Variants in QPCT observed in about 807,000 individuals in gnomAD.
QPCT encodes the protein EC.
A neutral mutation model predicts 43.4 loss-of-function variants in QPCT; 44 were observed. The ratio of observed to expected loss-of-function variants is 1.01; its 90% CI spans 0.80 to 1.30. The LOEUF (loss-of-function observed/expected upper bound fraction) is 1.30. Ranked by LOEUF, QPCT falls within the 50% of genes most tolerant of loss-of-function variation. QPCT has a pLI of 0.00. For missense variants in QPCT, 526 were observed against 436.5 expected (o/e 1.21, Z -1.83); for synonymous variants, 168 against 168.4 (o/e 1.00, Z 0.02).
chr2:37,346,671 A>T (rs140484972), intron 1 of QPCT, among the ~76,000 whole-genome samples: 227 of 152,312 alleles, frequency 1.5e-3, no homozygotes, highest in African/African-American at 5.3e-3. Context: ...TTCCATTGAG[A>T]AACTGAATGT....
intron 2 of QPCT, among the ~76,000 whole-genome samples, chr2:37,356,037 G>C (rs1026594595): frequency 6.6e-6 from 1 of 152,188 alleles, no homozygotes; most frequent in Non-Finnish European, 1.5e-5. Context: ...GCATCCTGAC[G>C]ACGATGTGTT....
At chr2:37,361,508 CAG>C (rs1672857373) in intron 3 of QPCT, among the ~76,000 whole-genome samples, 1 of 152,206 alleles carries the variant, frequency 6.6e-6, no homozygotes, top group Admixed American at 6.5e-5. Flanking sequence ...GTGACACAAA[CAG>C]GGGCTGGAAG....
At chr2:37,371,697 C>T (rs1255634792) in intron 5 of QPCT, among the ~76,000 whole-genome samples, 1 of 152,084 alleles carries the variant, frequency 6.6e-6, no homozygotes, top group Non-Finnish European at 1.5e-5. Context: ...TTATGTAGGC[C>T]AGTGGTTCTC....
At chr2:37,363,802 A>G (rs1672903471) in intron 3 of QPCT, among the ~76,000 whole-genome samples, 1 of 152,106 alleles carries the variant, frequency 6.6e-6, no homozygotes, top group African/African-American at 2.4e-5. Context: ...TATCTATGAA[A>G]CAAAACCAGA....
Position 37,369,760 on chromosome 2 carries a change from T to C in QPCT, c.799T>C (p.Trp267Arg). ...FPNFFPNSAR[W>R]FERLQAIEHE... Reference sequence around the variant, plus strand: ...CAATTTTTTTCCAAACTCAGCCAGGTGGTTCGAAAGACTTCAAGCAATTGG... The same window carrying C: ...CAATTTTTTTCCAAACTCAGCCAGGCGGTTCGAAAGACTTCAAGCAATTGG... Residue 267 changes from tryptophan (W) to arginine (R), a missense_variant, in exon 5 of 7, where the codon TGG becomes CGG. Physicochemically the swap from Trp to Arg is moderately radical, Grantham distance 101 (BLOSUM62 -3). Transcript: ENST00000338415. 1 of 1,600,018 alleles carries C rather than the reference T, an allele frequency of 6.2e-7. No individual in the cohort carries two copies. Among genetic ancestry groups the C allele is most frequent in the Non-Finnish European group, 8.6e-7 (1 of 1,167,174 alleles).
chr2:37,347,144 T>TA (rs1553384185), intron 1 of QPCT, among the ~76,000 whole-genome samples: 1 of 55,344 alleles, frequency 1.8e-5, no homozygotes, highest in East Asian at 1.7e-3. Context: ...ATGGGGTGTT[T>TA]TATATATATA....
At chr2:37,357,143 G>A (rs1227251596) in intron 2 of QPCT, among the ~76,000 whole-genome samples, 1 of 152,196 alleles carries the variant, frequency 6.6e-6, no homozygotes, top group Non-Finnish European at 1.5e-5. Flanking sequence ...AAGTTTGTGT[G>A]TGACTTCTGA....
chr2:37,345,159 G>T (rs998200704), intron 1 of QPCT, among the ~76,000 whole-genome samples: 1 of 152,190 alleles, frequency 6.6e-6, no homozygotes, highest in Non-Finnish European at 1.5e-5. Flanking sequence ...CGGCTGCTGA[G>T]CCGGGAGGCG....
At chr2:37,364,974 G>A (rs1672933032) in intron 3 of QPCT, among the ~76,000 whole-genome samples, 1 of 147,884 alleles carries the variant, frequency 6.8e-6, no homozygotes, top group African/African-American at 2.5e-5. Context: ...ACCAGCCTGG[G>A]CAACATACTA....
In QPCT at chr2:37,359,561, GTTT is replaced by G; in HGVS notation, c.268-14_268-12del. The G allele has an allele frequency of 6.3e-7, 1 of 1,577,684 alleles. No homozygotes were observed. The highest frequency in any genetic ancestry group is 8.6e-7 in the Non-Finnish European group (1 of 1,161,934). ...CCATTTCTTTAGATCTAAATTTTTT[GTTT>G]TTTTGTTTTGATCAGCACATCATGC... On this transcript the variant is annotated splice_polypyrimidine_tract_variant and intron_variant, in intron 2 of 6. Transcript: ENST00000338415.
chr2:37,367,221 G>T lies in QPCT; in HGVS notation c.547-11G>T. On this transcript the variant is annotated splice_polypyrimidine_tract_variant and intron_variant, in intron 3 of 6. Coordinates refer to ENST00000338415, the MANE Select transcript of QPCT (RefSeq NM_012413.4). Reference sequence around the variant, plus strand: ...ATTTTTTTGCTATGTTTTTATTGTTGTTTTTACCAGACTGTTTCAGACTCC... The same window carrying T: ...ATTTTTTTGCTATGTTTTTATTGTTTTTTTTACCAGACTGTTTCAGACTCC... 6.2e-7 allele frequency: 1 copy of T among 1,603,666 alleles called. No individual in the cohort carries two copies. The highest frequency in any genetic ancestry group is 1.7e-4 in the Middle Eastern group (1 of 6,020).
chr2:37,361,799 A>G (rs1356551114), intron 3 of QPCT, among the ~76,000 whole-genome samples: 2 of 152,236 alleles, frequency 1.3e-5, no homozygotes, highest in Non-Finnish European at 2.9e-5. Context: ...TTGCAACATT[A>G]GCTAACTGAT....
At chr2:37,356,064 A>G (rs1672738833) in intron 2 of QPCT, among the ~76,000 whole-genome samples, 2 of 152,324 alleles carry the variant, frequency 1.3e-5, no homozygotes, top group South Asian at 4.1e-4. Flanking sequence ...CTTAACACAA[A>G]TACTGGAAAA....
At chr2:37,371,363 A>G (rs1178486422) in intron 5 of QPCT, among the ~76,000 whole-genome samples, 3 of 149,738 alleles carry the variant, frequency 2.0e-5, no homozygotes, top group Non-Finnish European at 3.0e-5. Context: ...CTCTAGTTGT[A>G]TAAGAGAAAG....
At position 37,346,205 on chromosome 2, in the gene QPCT, G is replaced by A. The variant is rs11890834; in HGVS notation, c.120+1354G>A. Among the ~76,000 whole-genome samples, 847 of 152,302 alleles carry A rather than the reference G, an allele frequency of 5.6e-3. 10 individuals carry two copies. Among genetic ancestry groups the A allele is most frequent in the African/African-American group, 0.02 (812 of 41,554 alleles). On this transcript the variant is annotated intron_variant, in intron 1 of 6. Transcript: ENST00000338415. ...AATCACCACTCAGGGGTCACAGCAG[G>A]CCCCACTTACACATGGAGACCACAG...
intron 1 of QPCT, among the ~76,000 whole-genome samples, chr2:37,347,284 C>T (rs1672526273): frequency 1.5e-5 from 2 of 134,710 alleles, no homozygotes; most frequent in Non-Finnish European, 3.1e-5. Flanking sequence ...TTGAACTTCA[C>T]AGCAAGCCCC....
chr2:37,370,679 A>T (rs944275390), intron 5 of QPCT, among the ~76,000 whole-genome samples: 1 of 152,178 alleles, frequency 6.6e-6, no homozygotes, highest in Non-Finnish European at 1.5e-5. Context: ...TTTAGAGTCA[A>T]ATAAATGGGA....
chr2:37,372,493 T>A, intron 6 of QPCT, 21 bp downstream of exon 6: 1 of 1,573,988 alleles, frequency 6.4e-7, no homozygotes, highest in Middle Eastern at 1.7e-4. Context: ...TGTGTGTGTG[T>A]GTTTGTGTGT....
At chr2:37,368,714 T>G (rs1339561917) in intron 4 of QPCT, 1 of 470,948 alleles carries the variant, frequency 2.1e-6, no homozygotes, top group East Asian at 6.9e-5. Context: ...ATTCAGAACA[T>G]ATTCACAAGA....
Sources: allele counts gnomAD v4.1 joint callset (sites outside exome capture counted in the v4.1 genomes callset), GRCh38; gene constraint gnomAD v4.1.1; transcripts MANE v1.5; gene names NCBI Gene and HGNC (gene_info 2026-07-23, HGNC 2026-07-21).